PAK2: variants seen among roughly 807,000 people sequenced by gnomAD.
PAK2 encodes serine/threonine-protein kinase PAK 2.
In PAK2, 21 loss-of-function variants were observed where a neutral mutation model predicts 65.9. That is an observed-to-expected ratio of 0.32 (90% CI 0.23 to 0.46). The LOEUF is 0.46. Among genes scored for constraint, PAK2 ranks in the 20% least tolerant of loss-of-function variants. The pLI, the probability that PAK2 is intolerant of heterozygous loss-of-function variation, is 1.00. For missense variants in PAK2, 324 were observed against 642.6 expected (o/e 0.50, Z 5.36); for synonymous variants, 204 against 219.7 (o/e 0.93, Z 0.63).
chr3:196,827,281 G>A lies in PAK2; in HGVS notation c.1436G>A (p.Arg479Gln), dbSNP rs759691640. 1.1e-5 allele frequency: 17 copies of A among 1,612,452 alleles called. No homozygotes were observed. The highest frequency in any genetic ancestry group is 1.4e-5 in the Non-Finnish European group (17 of 1,178,928). ...CCAATATTTCGGGATTTCTTAAATC[G>A]ATGTTTGGAAATGGATGTGGAAAAA... The part of the protein sequence containing the change: ...LSPIFRDFLN[R>Q]CLEMDVEKRG... Residue 479 changes from arginine (R) to glutamine (Q), a missense_variant, in exon 14 of 15, where the codon CGA (arginine) becomes CAA (glutamine). Arg to Gln is a conservative substitution (Grantham distance 43, BLOSUM62 1). Around this residue, in one of 5 missense-constraint regions of PAK2, gnomAD observed 43 missense variants for 67.6 expected, o/e 0.64. Transcript: ENST00000327134.
intron 13 of PAK2, among the ~76,000 whole-genome samples, chr3:196,825,865 C>G (rs1398544895): frequency 6.6e-6 from 1 of 152,056 alleles, no homozygotes; most frequent in African/African-American, 2.4e-5. Context: ...ATTTTTGAGA[C>G]AGAGTCTTGC....
rs551782063 is a variant in PAK2, at chr3:196,814,945, C to T, written c.1053+377C>T. ...CTGTAATCCCAGCACTTTGGGAGGCCGAGGCGGGTGGATCACAAGGTCAGG... is the reference window on the plus strand; with the variant it reads ...CTGTAATCCCAGCACTTTGGGAGGCTGAGGCGGGTGGATCACAAGGTCAGG... On this transcript the variant is annotated intron_variant, in intron 11 of 14. Coordinates refer to ENST00000327134, the MANE Select transcript of PAK2 (RefSeq NM_002577.4). Among the ~76,000 whole-genome samples the T allele has an allele frequency of 3.2e-4, 49 of 151,834 alleles. 1 individual carries two copies. Among genetic ancestry groups the T allele is most frequent in the African/African-American group, 3.6e-4 (15 of 41,386 alleles).
intron 1 of PAK2, among the ~76,000 whole-genome samples, chr3:196,779,940 C>T (rs9832513): frequency 0.011 from 1,681 of 152,294 alleles, 31 homozygotes; most frequent in African/African-American, 0.037. Context: ...TAAAGTGTGG[C>T]GTGAGCCACC....
intron 1 of PAK2, among the ~76,000 whole-genome samples, chr3:196,775,066 T>C (rs1430839074): frequency 6.6e-6 from 1 of 152,214 alleles, no homozygotes. Context: ...GCCATGCTTA[T>C]ATTTATTGAG....
intron 7 of PAK2, among the ~76,000 whole-genome samples, chr3:196,809,669 A>T (rs975854974): frequency 1.3e-5 from 2 of 151,398 alleles, no homozygotes; most frequent in African/African-American, 2.4e-5. Context: ...AAAAAAAAAA[A>T]TTAACTAGAA....
At chr3:196,767,366 G>C (rs1347149534) in intron 1 of PAK2, among the ~76,000 whole-genome samples, 1 of 151,984 alleles carries the variant, frequency 6.6e-6, no homozygotes, top group Non-Finnish European at 1.5e-5. Context: ...CCTATGACTT[G>C]AAAATTGTAG....
intron 1 of PAK2, among the ~76,000 whole-genome samples, chr3:196,752,615 T>A (rs1317776958): frequency 1.3e-5 from 2 of 151,584 alleles, no homozygotes; most frequent in Non-Finnish European, 2.9e-5. Context: ...TGTTTGTTTG[T>A]TTGAGACAGA....
At chr3:196,767,324 C>T (rs1181924150) in intron 1 of PAK2, among the ~76,000 whole-genome samples, 3 of 151,900 alleles carry the variant, frequency 2.0e-5, no homozygotes, top group African/African-American at 2.4e-5. Context: ...TATATGTAGT[C>T]GGTACTCCTA....
At chr3:196,746,659 A>G (rs912674649) in intron 1 of PAK2, among the ~76,000 whole-genome samples, 47 of 151,992 alleles carry the variant, frequency 3.1e-4, no homozygotes, top group African/African-American at 1.1e-3. Flanking sequence ...AAAAATAGAA[A>G]ATTAGCCAGG....
At chr3:196,808,961 G>A (rs1164026800) in intron 7 of PAK2, among the ~76,000 whole-genome samples, 1 of 151,912 alleles carries the variant, frequency 6.6e-6, no homozygotes, top group Non-Finnish European at 1.5e-5. Context: ...TAAAGCCTGG[G>A]CATAGTGGCT....
chr3:196,777,064 T>G (rs1253426240), intron 1 of PAK2, among the ~76,000 whole-genome samples: 1 of 152,232 alleles, frequency 6.6e-6, no homozygotes. Context: ...GAAAAAGACT[T>G]GCAGAAATGT....
chr3:196,758,238 C>T (rs1021500906), intron 1 of PAK2, among the ~76,000 whole-genome samples: 2 of 152,176 alleles, frequency 1.3e-5, no homozygotes, highest in African/African-American at 4.8e-5. Flanking sequence ...AGAAGAAATC[C>T]AGTGTGATGA....
chr3:196,784,315 C>T (rs111941089), intron 2 of PAK2, among the ~76,000 whole-genome samples: 2,024 of 114,422 alleles, frequency 0.018, 36 homozygotes, highest in Middle Eastern at 0.062. Context: ...CATGCTGGTG[C>T]GCTGCACCCA....
intron 5 of PAK2, among the ~76,000 whole-genome samples, chr3:196,805,708 A>G (rs1023253511): frequency 6.6e-6 from 1 of 152,060 alleles, no homozygotes; most frequent in Admixed American, 6.6e-5. Context: ...TCCTTCTGGT[A>G]CTATTTTACT....
At chr3:196,804,842 T>C (rs1446257284) in intron 4 of PAK2, among the ~76,000 whole-genome samples, 1 of 145,438 alleles carries the variant, frequency 6.9e-6, no homozygotes, top group African/African-American at 2.6e-5. Context: ...TATATATATA[T>C]ATACACACAC....
intron 11 of PAK2, among the ~76,000 whole-genome samples, chr3:196,815,590 C>T (rs1327815026): frequency 1.3e-5 from 2 of 151,776 alleles, no homozygotes; most frequent in Non-Finnish European, 1.5e-5. Flanking sequence ...AGATTGAGAC[C>T]ATCCTGACCA....
chr3:196,779,948 A>G (rs1247406077), intron 1 of PAK2, among the ~76,000 whole-genome samples: 1 of 152,204 alleles, frequency 6.6e-6, no homozygotes. Flanking sequence ...GGCGTGAGCC[A>G]CCGCGCCCAG....
intron 1 of PAK2, among the ~76,000 whole-genome samples, chr3:196,774,044 C>T (rs1270433306): frequency 6.6e-6 from 1 of 151,946 alleles, no homozygotes; most frequent in Non-Finnish European, 1.5e-5. Flanking sequence ...AAAAAAACAA[C>T]AACAAAAAAA....
rs1377126150 is a variant in PAK2, at chr3:196,791,141, C to T, written c.187+8308C>T. ...CCCTCTATTTCTGGGCTTCTAGAGT[C>T]GTTATATAAGAGTATTAAAGACATT... is the stretch of plus-strand genomic sequence containing the variant. On this transcript the variant is annotated intron_variant, in intron 2 of 14. Coordinates refer to ENST00000327134, the MANE Select transcript of PAK2 (RefSeq NM_002577.4). The surrounding 1 kb of genome is among the most constrained non-coding windows in gnomAD (Gnocchi z 4.0). Among the ~76,000 whole-genome samples the T allele has an allele frequency of 6.6e-6, 1 of 152,104 alleles. No individual in the cohort carries two copies. The highest frequency in any genetic ancestry group is 1.5e-5 in the Non-Finnish European group (1 of 68,020).
Sources: allele counts gnomAD v4.1 joint callset (sites outside exome capture counted in the v4.1 genomes callset), GRCh38; gene constraint gnomAD v4.1.1; regional missense constraint gnomAD v4.1.1; non-coding constraint Gnocchi (gnomAD v3.1); transcripts MANE v1.5; gene names NCBI Gene and HGNC (gene_info 2026-07-23, HGNC 2026-07-21).